ZBTB46: variants seen among roughly 807,000 people sequenced by gnomAD.
The protein encoded by ZBTB46 is zinc finger and BTB domain containing 46.
A neutral mutation model predicts 44.1 loss-of-function variants in ZBTB46; 8 were observed. The ratio of observed to expected loss-of-function variants is 0.18; its 90% CI spans 0.11 to 0.33. ZBTB46 has a LOEUF of 0.33. ZBTB46 is among the 10% of genes least tolerant of loss of function. The pLI, the probability that ZBTB46 is intolerant of heterozygous loss-of-function variation, is 1.00. For missense variants in ZBTB46, 651 were observed against 847.7 expected (o/e 0.77, Z 2.88); for synonymous variants, 409 against 382.3 (o/e 1.07, Z -0.81).
intron 1 of ZBTB46, among the ~76,000 whole-genome samples, chr20:63,793,712 T>C (rs6062531): frequency 0.013 from 922 of 69,882 alleles, 1 homozygote; most frequent in African/African-American, 0.054. Flanking sequence ...CGTAAGATTT[T>C]ATAGAAGCAG....
At chr20:63,779,131 C>G (rs1223824757) in intron 2 of ZBTB46, among the ~76,000 whole-genome samples, 4 of 152,182 alleles carry the variant, frequency 2.6e-5, no homozygotes, top group Admixed American at 2.6e-4. Flanking sequence ...TCCCCAGACG[C>G]AGCCACACGG....
intron 1 of ZBTB46, among the ~76,000 whole-genome samples, chr20:63,807,067 C>G (rs372100707): frequency 1.3e-5 from 2 of 152,128 alleles, no homozygotes; most frequent in East Asian, 3.9e-4. Flanking sequence ...CAGGCGTGAG[C>G]CACCACGCCT....
intron 2 of ZBTB46, among the ~76,000 whole-genome samples, chr20:63,780,561 C>A (rs1408226008): frequency 6.6e-6 from 1 of 151,582 alleles, no homozygotes; most frequent in Non-Finnish European, 1.5e-5. Flanking sequence ...CCAGCACTCT[C>A]GGAGGCTGAG....
chr20:63,790,970 G>A (rs2092556326), intron 1 of ZBTB46, 180 bp from the exon 2 acceptor site: 2 of 836,264 alleles, frequency 2.4e-6, no homozygotes, highest in South Asian at 2.0e-5. Flanking sequence ...AAGCAGGGCA[G>A]CAAACACCGG....
In ZBTB46 at chr20:63,790,319, C is replaced by T. The variant is rs773907493; in HGVS notation, c.439G>A (p.Gly147Ser). 3.0e-5 allele frequency: 48 copies of T among 1,612,970 alleles called. No individual in the cohort carries two copies. Among genetic ancestry groups the T allele is most frequent in the African/African-American group, 4.0e-5 (3 of 74,934 alleles). The change falls in exon 2 of 5, where the codon GGC becomes AGC. Residue 147 changes from glycine to serine, a missense_variant. Gly to Ser is a moderately conservative substitution (Grantham distance 56, BLOSUM62 0). Around this residue, in one of 5 missense-constraint regions of ZBTB46, gnomAD observed 385 missense variants for 423.3 expected, o/e 0.91. Coordinates refer to ENST00000245663, the MANE Select transcript of ZBTB46 (RefSeq NM_001369741.1). ...ASDELAEFEI[G>S]ASSSSSTEAL... is the part of the protein sequence containing the mutation. ...TCCGTGCTGCTGCTGGACGAGGCGCCGATCTCGAACTCCGCAAGCTCATCT... is the reference window on the plus strand; with the variant it reads ...TCCGTGCTGCTGCTGGACGAGGCGCTGATCTCGAACTCCGCAAGCTCATCT...
Position 63,775,870 on chromosome 20 carries a change from C to G in ZBTB46, c.1030G>C (p.Gly344Arg). ...YAQVEEGLLG[G>R]EASYLGPPLT... ...GGAGGGCCCAGATAGCTGGCTTCTCCTCCCAGGAGACCCTCCTCCACCTGT... is the reference window on the plus strand; with the variant it reads ...GGAGGGCCCAGATAGCTGGCTTCTCGTCCCAGGAGACCCTCCTCCACCTGT... The change falls in exon 3 of 5, where the codon GGA becomes CGA. Residue 344 changes from glycine (G) to arginine (R), a missense_variant. By Grantham distance (125) the Gly-to-Arg change is moderately radical. Coordinates refer to ENST00000245663, the MANE Select transcript of ZBTB46 (RefSeq NM_001369741.1). The G allele has an allele frequency of 6.2e-7, 1 of 1,613,076 alleles. No individual in the cohort carries two copies. Among genetic ancestry groups the G allele is most frequent in the Non-Finnish European group, 8.5e-7 (1 of 1,179,936 alleles).
At chr20:63,833,033 C>A (rs1020264897), upstream of ZBTB46, among the ~76,000 whole-genome samples, 8 of 152,154 alleles carry the variant, frequency 5.3e-5, no homozygotes, top group Non-Finnish European at 8.8e-5. Flanking sequence ...TCCCGCAGAG[C>A]CTGCCCATGC....
intron 3 of ZBTB46, among the ~76,000 whole-genome samples, chr20:63,765,920 C>T (rs1047315700): frequency 1.3e-5 from 2 of 152,186 alleles, no homozygotes; most frequent in Admixed American, 6.5e-5. Flanking sequence ...GTTAACCAAA[C>T]TCTTTCAGCA....
At chr20:63,800,388 G>T (rs1169681912) in intron 1 of ZBTB46, among the ~76,000 whole-genome samples, 2 of 152,230 alleles carry the variant, frequency 1.3e-5, no homozygotes, top group African/African-American at 4.8e-5. Context: ...GGTGAGAGTT[G>T]ACAGCATGCT....
At chr20:63,776,330 G>A (rs573340178) in intron 2 of ZBTB46, among the ~76,000 whole-genome samples, 4 of 152,356 alleles carry the variant, frequency 2.6e-5, no homozygotes, top group South Asian at 2.1e-4. Flanking sequence ...TTTCCATCTC[G>A]CAAAGACGAG....
intron 1 of ZBTB46, among the ~76,000 whole-genome samples, chr20:63,792,507 C>T (rs1038941977): frequency 6.6e-6 from 1 of 151,968 alleles, no homozygotes; most frequent in Admixed American, 6.6e-5. Flanking sequence ...TTAGTCATGA[C>T]AGAATATTTT....
At chr20:63,768,071 A>G (rs140564187) in intron 3 of ZBTB46, 1 of 985,444 alleles carries the variant, frequency 1.0e-6, no homozygotes, top group Non-Finnish European at 1.2e-6. Flanking sequence ...GCCCTCACTC[A>G]CCTGGGATGT....
intron 3 of ZBTB46, among the ~76,000 whole-genome samples, chr20:63,763,786 G>T (rs1408399394): frequency 6.6e-6 from 1 of 152,006 alleles, no homozygotes; most frequent in Non-Finnish European, 1.5e-5. Context: ...CATCATTCCT[G>T]TGACTATAAA....
At chr20:63,816,541 ATAAC>A (rs1386064963) in intron 1 of ZBTB46, 1 of 152,604 alleles carries the variant, frequency 6.6e-6, no homozygotes, top group Non-Finnish European at 1.5e-5. Context: ...TCTGCTGTAA[ATAAC>A]AGCAGCGTCA....
chr20:63,820,443 A>ATT lies in ZBTB46; in HGVS notation c.-34+10652_-34+10653dup, dbSNP rs397952569. ...TTTAAGAAGTATATTATATATATATATTTTTTTTTTGAGACAGAGTTTTGC... is the reference window on the plus strand; with the variant it reads ...TTTAAGAAGTATATTATATATATATATTTTTTTTTTTTGAGACAGAGTTTTGC... On this transcript the variant is annotated intron_variant, in intron 1 of 4. Coordinates refer to ENST00000245663, the MANE Select transcript of ZBTB46 (RefSeq NM_001369741.1). 6.3e-4 allele frequency among the ~76,000 whole-genome samples: 92 copies of ATT among 144,916 alleles called. 2 individuals carry two copies. In the East Asian group the frequency reaches 0.014, roughly 22 times the overall value.
intron 1 of ZBTB46, among the ~76,000 whole-genome samples, chr20:63,793,047 G>A (rs1293687956): frequency 2.0e-5 from 3 of 152,120 alleles, no homozygotes; most frequent in Admixed American, 6.6e-5. Context: ...CGCCGGGCAC[G>A]AGGGCTGTGA....
chr20:63,825,400 C>CAA (rs768780388), intron 1 of ZBTB46, among the ~76,000 whole-genome samples: 1,290 of 66,664 alleles, frequency 0.019, 82 homozygotes, highest in East Asian at 0.16. Context: ...GACTCCGTCT[C>CAA]AAAAAAAAAA....
At position 63,758,652 on chromosome 20, in the gene ZBTB46, G is replaced by A. The variant is rs1006651335; in HGVS notation, c.1223-5791C>T. Among the ~76,000 whole-genome samples, 13 of 151,754 alleles carry A rather than the reference G, an allele frequency of 8.6e-5. 1 individual carries two copies. In the East Asian group the frequency reaches 1.3e-3, roughly 16 times the overall value. ...AGTCAGTTTACTCACACACGCACGC[G>A]CACGGGCACTCACACACCCCTCTGC... On this transcript the variant is annotated intron_variant, in intron 3 of 4. Coordinates refer to ENST00000245663, the MANE Select transcript of ZBTB46 (RefSeq NM_001369741.1).
chr20:63,794,703 C>T (rs762984302), intron 1 of ZBTB46, among the ~76,000 whole-genome samples: 7 of 152,196 alleles, frequency 4.6e-5, no homozygotes, highest in African/African-American at 1.2e-4. Flanking sequence ...CAGAAGCACC[C>T]GGGGCTACTC....
Sources: allele counts gnomAD v4.1 joint callset (sites outside exome capture counted in the v4.1 genomes callset), GRCh38; gene constraint gnomAD v4.1.1; regional missense constraint gnomAD v4.1.1; transcripts MANE v1.5; gene names NCBI Gene and HGNC (gene_info 2026-07-23, HGNC 2026-07-21).